The following DAB1 variants were observed in gnomAD, a reference collection of about 807,000 sequenced individuals.
DAB1 encodes the protein DAB adaptor protein 1, also known as disabled homolog 1.
In DAB1, 15 loss-of-function variants were observed where a neutral mutation model predicts 64.6. The observed-to-expected ratio is 0.23, with a 90% CI of 0.16 to 0.36. The LOEUF is 0.36. Among genes scored for constraint, DAB1 ranks in the 10% least tolerant of loss-of-function variants. The probability of loss-of-function intolerance (pLI) is 1.00; values close to 1 mark genes in which losing one functional copy is unlikely to be tolerated. For missense variants in DAB1, 596 were observed against 706.7 expected, an observed-to-expected ratio of 0.84 and a Z score of 1.78; for synonymous variants, 235 against 251.9, an observed-to-expected ratio of 0.93 and a Z score of 0.64.
chr1:58,306,497 C>G (rs1662309978), intron 4 of DAB1, among the ~76,000 whole-genome samples: 1 of 152,088 alleles, frequency 6.6e-6, no homozygotes, highest in Non-Finnish European at 1.5e-5. Flanking sequence ...CCTCTGCGAC[C>G]ACTTGCATCT....
At chr1:57,580,510 C>T (rs1199646939) in intron 7 of DAB1, among the ~76,000 whole-genome samples, 2 of 152,086 alleles carry the variant, frequency 1.3e-5, no homozygotes, top group African/African-American at 2.4e-5. Context: ...CCAGCACTTC[C>T]AGCATTTGAA....
At chr1:58,492,299 A>C (rs960757777) in intron 3 of DAB1, among the ~76,000 whole-genome samples, 1 of 152,238 alleles carries the variant, frequency 6.6e-6, no homozygotes, top group African/African-American at 2.4e-5. Context: ...CTAAATGCTC[A>C]CAAAAGAAAG....
chr1:57,502,734 A>G (rs1644304461), intron 7 of DAB1, among the ~76,000 whole-genome samples: 1 of 152,208 alleles, frequency 6.6e-6, no homozygotes, highest in Admixed American at 6.5e-5. Flanking sequence ...TCTGGTCTGG[A>G]AGTTCAAAAA....
intron 5 of DAB1, among the ~76,000 whole-genome samples, chr1:58,037,194 T>C (rs1378032933): frequency 6.6e-6 from 1 of 152,164 alleles, no homozygotes; most frequent in African/African-American, 2.4e-5. Context: ...GAACCCCCTT[T>C]GCCTGCACAC....
intron 7 of DAB1, among the ~76,000 whole-genome samples, chr1:57,580,976 C>T (rs549781317): frequency 1.1e-3 from 166 of 152,248 alleles, no homozygotes; most frequent in Non-Finnish European, 1.7e-3. Flanking sequence ...CTATTGGGCA[C>T]CAAGAGGACA....
chr1:57,591,966 CTG>C (rs1422974872), intron 7 of DAB1, among the ~76,000 whole-genome samples: 1 of 152,172 alleles, frequency 6.6e-6, no homozygotes, highest in African/African-American at 2.4e-5. Context: ...CAAATACACT[CTG>C]TGATGTTTTT....
intron 4 of DAB1, among the ~76,000 whole-genome samples, chr1:58,304,485 G>A (rs1043273298): frequency 2.6e-5 from 4 of 152,174 alleles, no homozygotes; most frequent in Admixed American, 1.3e-4. Flanking sequence ...AGAGAAACTC[G>A]TAATGCTCAA....
At chr1:57,393,707 C>T (rs574100684) in intron 1 of DAB1, among the ~76,000 whole-genome samples, 70 of 152,180 alleles carry the variant, frequency 4.6e-4, no homozygotes, top group African/African-American at 1.6e-3. Context: ...AAACTACCAC[C>T]GGTGGGCCAA....
At chr1:57,758,256 A>G (rs1217587264) in intron 6 of DAB1, among the ~76,000 whole-genome samples, 1 of 152,192 alleles carries the variant, frequency 6.6e-6, no homozygotes, top group African/African-American at 2.4e-5. Context: ...TGATGCTGGC[A>G]TCACCATTTC....
At chr1:57,484,912 C>T (rs896964202) in intron 7 of DAB1, among the ~76,000 whole-genome samples, 2 of 152,136 alleles carry the variant, frequency 1.3e-5, no homozygotes, top group African/African-American at 4.8e-5. Context: ...TTAACATTTT[C>T]TGGAAAATCA....
intron 6 of DAB1, among the ~76,000 whole-genome samples, chr1:57,701,886 A>G (rs184716675): frequency 6.6e-6 from 1 of 152,172 alleles, no homozygotes; most frequent in East Asian, 1.9e-4. Context: ...AATTTCTCTG[A>G]TAAATTTCTG....
At chr1:58,225,822 A>T (rs1173132241) in intron 4 of DAB1, among the ~76,000 whole-genome samples, 4 of 53,654 alleles carry the variant, frequency 7.5e-5, no homozygotes, top group African/African-American at 2.1e-4. Flanking sequence ...GGGTGGGGGG[A>T]GGGGGGAGGG....
intron 2 of DAB1, among the ~76,000 whole-genome samples, chr1:57,186,102 G>A (rs928816135): frequency 6.6e-6 from 1 of 152,164 alleles, no homozygotes; most frequent in Non-Finnish European, 1.5e-5. Flanking sequence ...CCTGCAGGTT[G>A]GGCCCAGGTA....
intron 2 of DAB1, among the ~76,000 whole-genome samples, chr1:57,256,922 A>G (rs1003515154): frequency 2.0e-5 from 3 of 152,168 alleles, no homozygotes; most frequent in Admixed American, 1.3e-4. Context: ...GACCAGACCC[A>G]TCCCAGTGCC....
intron 1 of DAB1, among the ~76,000 whole-genome samples, chr1:57,339,005 T>G (rs1051497271): frequency 6.6e-6 from 1 of 152,194 alleles, no homozygotes; most frequent in African/African-American, 2.4e-5. Flanking sequence ...GAGTTCACTC[T>G]TGAATGAAGA....
At chr1:58,277,716 A>G (rs1661483382) in intron 4 of DAB1, among the ~76,000 whole-genome samples, 4 of 152,236 alleles carry the variant, frequency 2.6e-5, no homozygotes, top group Admixed American at 2.6e-4. Flanking sequence ...AGTAAAATAA[A>G]TTAACAAAGG....
chr1:57,613,644 G>C (rs1285235505), intron 7 of DAB1, among the ~76,000 whole-genome samples: 1 of 152,166 alleles, frequency 6.6e-6, no homozygotes, highest in African/African-American at 2.4e-5. Context: ...ACGAAAAAGA[G>C]TCTAAAATAA....
At chr1:57,546,008 G>C (rs1428678904) in intron 7 of DAB1, among the ~76,000 whole-genome samples, 1 of 152,110 alleles carries the variant, frequency 6.6e-6, no homozygotes, top group Non-Finnish European at 1.5e-5. Flanking sequence ...GTTTCCAGGA[G>C]TGCTGTGGAT....
At chr1:57,524,645 G>T (rs1644569886) in intron 7 of DAB1, among the ~76,000 whole-genome samples, 1 of 152,184 alleles carries the variant, frequency 6.6e-6, no homozygotes, top group Non-Finnish European at 1.5e-5. Context: ...AAGGGTGGGG[G>T]AAATTATAAA....
Sources: gnomAD v4.1 joint callset for allele counts (sites outside exome capture counted in the v4.1 genomes callset) on GRCh38, gnomAD v4.1.1 for gene constraint, MANE v1.5 for transcripts, NCBI Gene and HGNC (gene_info 2026-07-23, HGNC 2026-07-21) for gene names.